Variants in PEBP4 observed in about 807,000 individuals in gnomAD.
The protein encoded by PEBP4 is phosphatidylethanolamine-binding protein 4.
A neutral mutation model predicts 23.9 loss-of-function variants in PEBP4; 22 were observed. That is an observed-to-expected ratio of 0.92 (90% CI 0.66 to 1.31). The LOEUF (loss-of-function observed/expected upper bound fraction) is 1.31. Among genes scored for constraint, PEBP4 ranks in the 40% most tolerant of loss-of-function variants. The pLI is 0.00. For missense variants in PEBP4, 324 were observed against 281.7 expected (o/e 1.15, Z -1.07); for synonymous variants, 112 against 99.3 (o/e 1.13, Z -0.76).
chr8:22,802,990 C>G (rs557949941), intron 4 of PEBP4, among the ~76,000 whole-genome samples: 2 of 152,288 alleles, frequency 1.3e-5, no homozygotes, highest in Non-Finnish European at 2.9e-5. Context: ...TACATGTCTT[C>G]CCCATCCTGG....
intron 3 of PEBP4, among the ~76,000 whole-genome samples, chr8:22,864,129 G>A (rs1384148593): frequency 2.6e-5 from 4 of 152,096 alleles, no homozygotes; most frequent in Non-Finnish European, 5.9e-5. Context: ...TGAACCTCGC[G>A]CTTTTGTTCG....
chr8:22,869,531 C>G (rs1051639706), intron 3 of PEBP4, among the ~76,000 whole-genome samples: 3 of 152,132 alleles, frequency 2.0e-5, no homozygotes, highest in Non-Finnish European at 1.5e-5. Context: ...GCCATGCTCC[C>G]CCATAGCTGC....
Position 22,925,096 on chromosome 8 carries a change from C to T in PEBP4, c.131+2488G>A, listed in dbSNP as rs1420000738. ...AGGTCCTGCTGTCTCCTCAGGGGTC[C>T]GATCTGTCCTTGATGCATTTTTCAT... On this transcript the variant is annotated intron_variant, in intron 2 of 6. Coordinates refer to ENST00000256404, the MANE Select transcript of PEBP4 (RefSeq NM_144962.3). 1.8e-5 allele frequency: 18 copies of T among 985,146 alleles called. No homozygotes were observed. The East Asian group carries it at 5.7e-4, about 31-fold the overall frequency. 61.0% of individuals were successfully genotyped at this position (985,146 alleles called of 1,614,324 possible).
At chr8:22,860,818 C>A (rs920643553) in intron 3 of PEBP4, among the ~76,000 whole-genome samples, 23 of 152,188 alleles carry the variant, frequency 1.5e-4, no homozygotes, top group Admixed American at 1.2e-3. Context: ...ACGGTCCATC[C>A]AAGCCCAGCT....
chr8:22,769,053 C>T (rs1805664614), intron 4 of PEBP4, among the ~76,000 whole-genome samples: 1 of 152,146 alleles, frequency 6.6e-6, no homozygotes, highest in Non-Finnish European at 1.5e-5. Flanking sequence ...CCAGGTGGAT[C>T]CTTTTGATGT....
At chr8:22,916,032 T>G (rs1000384647) in intron 3 of PEBP4, among the ~76,000 whole-genome samples, 5 of 152,164 alleles carry the variant, frequency 3.3e-5, no homozygotes, top group African/African-American at 1.2e-4. Flanking sequence ...TGGCATGAAA[T>G]GCACTGACCC....
intron 1 of PEBP4, among the ~76,000 whole-genome samples, chr8:22,940,256 C>T (rs956979036): frequency 6.6e-6 from 1 of 152,208 alleles, no homozygotes; most frequent in Non-Finnish European, 1.5e-5. Flanking sequence ...AAACTCACTA[C>T]ATCTGTCAGA....
intron 1 of PEBP4, among the ~76,000 whole-genome samples, chr8:22,937,914 C>T (rs1809561109): frequency 2.0e-5 from 3 of 152,090 alleles, no homozygotes; most frequent in Admixed American, 1.3e-4. Flanking sequence ...CCTTGCTTTA[C>T]ACCAGATATA....
chr8:22,730,894 G>A (rs1342612230), intron 4 of PEBP4, among the ~76,000 whole-genome samples: 2 of 152,132 alleles, frequency 1.3e-5, no homozygotes, highest in Non-Finnish European at 2.9e-5. Context: ...AGGACTGACC[G>A]ATGAGGGAAG....
chr8:22,779,599 A>G (rs1423564014), intron 4 of PEBP4, among the ~76,000 whole-genome samples: 1 of 152,164 alleles, frequency 6.6e-6, no homozygotes. Context: ...GTGTCCCACC[A>G]ACAAGAAGAG....
chr8:22,903,397 T>C (rs1222559376), intron 3 of PEBP4, among the ~76,000 whole-genome samples: 1 of 152,146 alleles, frequency 6.6e-6, no homozygotes, highest in Non-Finnish European at 1.5e-5. Flanking sequence ...CACATGTCAG[T>C]GTGTGCCAAA....
chr8:22,869,919 C>T (rs146897313), intron 3 of PEBP4, among the ~76,000 whole-genome samples: 14 of 152,296 alleles, frequency 9.2e-5, no homozygotes, highest in South Asian at 4.1e-4. Context: ...ATGCTGATGA[C>T]GATGTGGAGC....
intron 3 of PEBP4, among the ~76,000 whole-genome samples, chr8:22,905,507 G>A (rs1222474150): frequency 6.6e-6 from 1 of 152,160 alleles, no homozygotes; most frequent in Non-Finnish European, 1.5e-5. Context: ...TACCTAGGCA[G>A]ACCTTTTCTC....
intron 4 of PEBP4, among the ~76,000 whole-genome samples, chr8:22,808,260 T>C (rs1422478556): frequency 6.6e-6 from 1 of 151,064 alleles, no homozygotes; most frequent in Non-Finnish European, 1.5e-5. Context: ...TCCCTCCATC[T>C]ATCTATTCAT....
intron 4 of PEBP4, among the ~76,000 whole-genome samples, chr8:22,801,953 G>A (rs548370419): frequency 2.6e-5 from 4 of 152,262 alleles, no homozygotes; most frequent in African/African-American, 4.8e-5. Flanking sequence ...AGAAAACAGT[G>A]ACTTCCATCC....
chr8:22,920,173 T>C lies in PEBP4; in HGVS notation c.258+11A>G, dbSNP rs372972736. 2.7e-4 allele frequency: 439 copies of C among 1,607,234 alleles called. No homozygotes were observed. Among genetic ancestry groups the C allele is most frequent in the Non-Finnish European group, 3.5e-4 (408 of 1,175,576 alleles). ...CTGTCCCCCCGCTTTAACACAGCCC[T>C]GCTCACTCACGTCCACGGCCCCCGG... is the stretch of plus-strand genomic sequence containing the variant. On this transcript the variant is annotated intron_variant, in intron 3 of 6. Coordinates refer to ENST00000256404, the MANE Select transcript of PEBP4 (RefSeq NM_144962.3).
intron 6 of PEBP4, among the ~76,000 whole-genome samples, chr8:22,714,166 G>C (rs967092201): frequency 6.6e-6 from 1 of 152,256 alleles, no homozygotes; most frequent in African/African-American, 2.4e-5. Flanking sequence ...AACCCAGACG[G>C]TGCCCAGGTC....
intron 3 of PEBP4, chr8:22,884,500 G>A (rs1337593530): frequency 1.3e-5 from 2 of 152,246 alleles, no homozygotes; most frequent in Admixed American, 1.3e-4. Flanking sequence ...AGAAGCAAGT[G>A]CAGATCGTGA....
At chr8:22,745,158 G>A (rs925097626) in intron 4 of PEBP4, among the ~76,000 whole-genome samples, 2 of 152,196 alleles carry the variant, frequency 1.3e-5, no homozygotes, top group African/African-American at 2.4e-5. Context: ...GGAAAAGCCC[G>A]TCTAGATCTT....
Sources: gnomAD v4.1 joint callset for allele counts (sites outside exome capture counted in the v4.1 genomes callset) on GRCh38, gnomAD v4.1.1 for gene constraint, MANE v1.5 for transcripts, NCBI Gene and HGNC (gene_info 2026-07-23, HGNC 2026-07-21) for gene names.